KANK1: variants seen among roughly 807,000 people sequenced by gnomAD.
KANK1 encodes KN motif and ankyrin repeat domains 1.
A neutral mutation model predicts 106.2 loss-of-function variants in KANK1; 109 were observed. The observed-to-expected ratio is 1.03, with a 90% CI of 0.88 to 1.20. The LOEUF (loss-of-function observed/expected upper bound fraction) is 1.20, where lower values mean the gene tolerates loss of function less well. Among genes scored for constraint, KANK1 ranks in the 50% most tolerant of loss-of-function variants. The pLI is 0.00. For missense variants in KANK1, 2,399 were observed against 1,710.7 expected, an observed-to-expected ratio of 1.40 and a Z score of -7.10; for synonymous variants, 873 against 652.2, an observed-to-expected ratio of 1.34 and a Z score of -5.16.
At chr9:708,190 GCTTCTCTC>G (rs1824832136) in intron 2 of KANK1, among the ~76,000 whole-genome samples, 3 of 77,550 alleles carry the variant, frequency 3.9e-5, no homozygotes, top group African/African-American at 1.4e-4. Flanking sequence ...GGCTGCTGCA[GCTTCTCTC>G]CTGTTAATGG....
At chr9:628,022 A>T (rs1834771195) in intron 1 of KANK1, among the ~76,000 whole-genome samples, 1 of 152,242 alleles carries the variant, frequency 6.6e-6, no homozygotes, top group African/African-American at 2.4e-5. Context: ...TAACAAGTAT[A>T]ATTTTATTGG....
intron 3 of KANK1, among the ~76,000 whole-genome samples, chr9:479,400 C>G (rs956282744): frequency 2.0e-5 from 3 of 152,190 alleles, no homozygotes; most frequent in Non-Finnish European, 2.9e-5. Context: ...CTTGAAGTCA[C>G]CAGAGTTCTT....
intron 3 of KANK1, among the ~76,000 whole-genome samples, chr9:499,028 A>T (rs2058504172): frequency 6.6e-6 from 1 of 152,074 alleles, no homozygotes; most frequent in Admixed American, 6.6e-5. Flanking sequence ...ATAAAAAAAA[A>T]TTAGCCAGGC....
At chr9:694,150 G>C (rs1563999852) in intron 2 of KANK1, among the ~76,000 whole-genome samples, 3 of 152,098 alleles carry the variant, frequency 2.0e-5, no homozygotes, top group Admixed American at 6.5e-5. Flanking sequence ...ATTCATTAAA[G>C]CTGGCTTCTT....
chr9:664,322 A>G (rs1274718124), intron 1 of KANK1, among the ~76,000 whole-genome samples: 2 of 152,220 alleles, frequency 1.3e-5, no homozygotes, highest in South Asian at 2.1e-4. Context: ...AACATGCGAC[A>G]TTGTCTTTCT....
At chr9:607,305 G>T (rs1340069197) in intron 1 of KANK1, among the ~76,000 whole-genome samples, 1 of 151,518 alleles carries the variant, frequency 6.6e-6, no homozygotes, top group Non-Finnish European at 1.5e-5. Flanking sequence ...GGCCAATATG[G>T]TGAGAACCCG....
At chr9:683,407 G>T (rs575085800) in intron 2 of KANK1, among the ~76,000 whole-genome samples, 1 of 152,156 alleles carries the variant, frequency 6.6e-6, no homozygotes, top group South Asian at 2.1e-4. Flanking sequence ...AAGCACGTAG[G>T]TAAGAACTAA....
chr9:499,679 C>A (rs559120560), intron 3 of KANK1, among the ~76,000 whole-genome samples: 12 of 152,134 alleles, frequency 7.9e-5, no homozygotes, highest in African/African-American at 2.4e-4. Flanking sequence ...CTGAGGAGCA[C>A]GAAGGGGAAA....
chr9:607,276 A>G (rs1355018855), intron 1 of KANK1, among the ~76,000 whole-genome samples: 1 of 151,692 alleles, frequency 6.6e-6, no homozygotes, highest in Non-Finnish European at 1.5e-5. Flanking sequence ...ACTTGAGGTC[A>G]GAAGTTCAAG....
intron 2 of KANK1, among the ~76,000 whole-genome samples, chr9:691,656 C>T (rs1380576041): frequency 2.9e-5 from 4 of 138,626 alleles, no homozygotes; most frequent in African/African-American, 1.1e-4. Flanking sequence ...CTCTGTCACC[C>T]AGGCTGGAGT....
intron 3 of KANK1, among the ~76,000 whole-genome samples, chr9:473,965 T>TG (rs5895847): frequency 0.08 from 12,203 of 152,232 alleles, 1,703 homozygotes; most frequent in African/African-American, 0.28. Flanking sequence ...CCCAAAGTTC[T>TG]GGGATTATAG....
intron 1 of KANK1, among the ~76,000 whole-genome samples, chr9:661,100 C>G (rs978456358): frequency 6.6e-6 from 1 of 151,760 alleles, no homozygotes; most frequent in South Asian, 2.1e-4. Context: ...TTTTTCCCCT[C>G]CAGTTTTAAT....
intron 1 of KANK1, among the ~76,000 whole-genome samples, chr9:618,004 C>T (rs995151777): frequency 5.3e-5 from 8 of 152,156 alleles, no homozygotes; most frequent in Non-Finnish European, 1.2e-4. Flanking sequence ...CCAAAAAAAT[C>T]AGTTTGGCCT....
At chr9:588,464 A>T (rs756260462) in intron 1 of KANK1, among the ~76,000 whole-genome samples, 1 of 152,172 alleles carries the variant, frequency 6.6e-6, no homozygotes, top group East Asian at 1.9e-4. Flanking sequence ...GTATTCTGTT[A>T]ATTTACTCTG....
At chr9:569,884 C>A (rs907137987) in intron 1 of KANK1, among the ~76,000 whole-genome samples, 2 of 151,730 alleles carry the variant, frequency 1.3e-5, no homozygotes, top group African/African-American at 4.8e-5. Flanking sequence ...TTAGGGCTTA[C>A]ATTTTTCTCT....
At chr9:491,037 G>A (rs2058370619) in intron 3 of KANK1, among the ~76,000 whole-genome samples, 1 of 143,782 alleles carries the variant, frequency 7.0e-6, no homozygotes, top group African/African-American at 2.7e-5. Context: ...ATGGCTCACT[G>A]CAGCCTCAAA....
chr9:516,698 G>A (rs2059292135), intron 1 of KANK1, among the ~76,000 whole-genome samples: 3 of 151,574 alleles, frequency 2.0e-5, no homozygotes, highest in Admixed American at 1.3e-4. Flanking sequence ...GGTGGGAGGG[G>A]AGTTACTAGG....
chr9:544,416 CAG>C (rs1486877002), intron 1 of KANK1, among the ~76,000 whole-genome samples: 1 of 152,136 alleles, frequency 6.6e-6, no homozygotes, highest in African/African-American at 2.4e-5. Flanking sequence ...GCATCTGGTG[CAG>C]AGAGGGGCAT....
chr9:542,045 C>T (rs545908852), intron 1 of KANK1, among the ~76,000 whole-genome samples: 38 of 151,146 alleles, frequency 2.5e-4, no homozygotes, highest in East Asian at 3.9e-4. Context: ...GCCGAGATCG[C>T]GCCACTGCAC....
Sources: allele counts gnomAD v4.1 joint callset (sites outside exome capture counted in the v4.1 genomes callset), GRCh38; gene constraint gnomAD v4.1.1; transcripts MANE v1.5; gene names NCBI Gene and HGNC (gene_info 2026-07-23, HGNC 2026-07-21).